Variants in MACROD2 observed in about 807,000 individuals in gnomAD.
MACROD2 encodes ADP-ribose glycohydrolase MACROD2.
Under a neutral mutation model 70.4 loss-of-function variants are expected in MACROD2, and 36 were observed. The observed-to-expected ratio is 0.51, with a 90% CI of 0.39 to 0.68. The LOEUF (loss-of-function observed/expected upper bound fraction) is 0.68. Ranked by LOEUF, MACROD2 falls within the 30% of genes least tolerant of loss-of-function variation. The pLI, the probability that MACROD2 is intolerant of heterozygous loss-of-function variation, is 0.00. For missense variants in MACROD2, 496 were observed against 538.4 expected, an observed-to-expected ratio of 0.92 and a Z score of 0.78; for synonymous variants, 172 against 178.8, an observed-to-expected ratio of 0.96 and a Z score of 0.30.
chr20:15,164,759 G>C (rs1330927375), intron 5 of MACROD2, among the ~76,000 whole-genome samples: 1 of 152,094 alleles, frequency 6.6e-6, no homozygotes. Context: ...AAGTTAGCCA[G>C]GCATGGTGGC....
intron 3 of MACROD2, among the ~76,000 whole-genome samples, chr20:14,332,416 T>C (rs1463384069): frequency 2.0e-5 from 3 of 152,086 alleles, no homozygotes; most frequent in African/African-American, 7.2e-5. Flanking sequence ...TACTACAATA[T>C]TTTGGAGGTG....
intron 5 of MACROD2, among the ~76,000 whole-genome samples, chr20:14,845,513 C>T (rs1479994427): frequency 6.6e-6 from 1 of 152,004 alleles, no homozygotes; most frequent in Admixed American, 6.6e-5. Context: ...AGAAAATCTG[C>T]AGCTTGATTA....
chr20:14,736,594 C>T (rs1219472317), intron 5 of MACROD2, among the ~76,000 whole-genome samples: 1 of 152,148 alleles, frequency 6.6e-6, no homozygotes, highest in Non-Finnish European at 1.5e-5. Flanking sequence ...TCATTAATAT[C>T]AGTGATAATC....
intron 3 of MACROD2, among the ~76,000 whole-genome samples, chr20:14,463,959 C>T (rs1253728349): frequency 6.6e-6 from 1 of 151,838 alleles, no homozygotes; most frequent in Admixed American, 6.6e-5. Context: ...AGGATTTTTG[C>T]ATCAATGTTC....
At chr20:14,018,576 T>C (rs1363062376) in intron 2 of MACROD2, among the ~76,000 whole-genome samples, 1 of 152,206 alleles carries the variant, frequency 6.6e-6, no homozygotes, top group Admixed American at 6.5e-5. Flanking sequence ...TCTTAAGTTA[T>C]TTCTTCTTTC....
chr20:15,712,770 A>G (rs1164347321), intron 8 of MACROD2, among the ~76,000 whole-genome samples: 1 of 152,154 alleles, frequency 6.6e-6, no homozygotes, highest in Non-Finnish European at 1.5e-5. Context: ...CCATCCATAT[A>G]CTAGCCCTTT....
intron 7 of MACROD2, among the ~76,000 whole-genome samples, chr20:15,471,460 T>G (rs554806437): frequency 8.5e-5 from 13 of 152,200 alleles, no homozygotes; most frequent in Non-Finnish European, 1.5e-4. Flanking sequence ...TATTCTCATT[T>G]TTTTCATATG....
At chr20:14,799,098 C>T (rs887233862) in intron 5 of MACROD2, among the ~76,000 whole-genome samples, 5 of 151,776 alleles carry the variant, frequency 3.3e-5, no homozygotes, top group Non-Finnish European at 2.9e-5. Flanking sequence ...TAAAGTAAAT[C>T]GTTAGAGAAG....
rs543973472 is a variant in MACROD2, at chr20:15,885,120, C to T, written c.728-644C>T. ...GTTGTGGGGAGCATAAGGAGAGAGA[C>T]GACAATGTGTCAGAAGTTCAAAAGA... On this transcript the variant is annotated intron_variant, in intron 9 of 17. Coordinates refer to ENST00000684519, the MANE Select transcript of MACROD2 (RefSeq NM_001351661.2). Among the ~76,000 whole-genome samples, 9 of 152,112 alleles carry T rather than the reference C, an allele frequency of 5.9e-5. No homozygotes were observed. The East Asian group carries it at 7.7e-4, about 13-fold the overall frequency.
chr20:14,904,656 G>A (rs1032464305), intron 5 of MACROD2, among the ~76,000 whole-genome samples: 4 of 151,958 alleles, frequency 2.6e-5, no homozygotes, highest in Non-Finnish European at 2.9e-5. Context: ...ATTTAATACC[G>A]CATAACCCTT....
chr20:15,502,372 T>C (rs935101665), intron 8 of MACROD2, among the ~76,000 whole-genome samples: 6 of 152,110 alleles, frequency 3.9e-5, no homozygotes, highest in African/African-American at 1.4e-4. Context: ...CCCAATGTGG[T>C]TGAAGCAGAG....
intron 3 of MACROD2, among the ~76,000 whole-genome samples, chr20:14,448,770 T>C (rs529253064): frequency 7.1e-6 from 1 of 140,982 alleles, no homozygotes; most frequent in South Asian, 2.2e-4. Context: ...TTACATCTCA[T>C]CATGCAGTGC....
chr20:15,955,688 A>G (rs2065966648), intron 12 of MACROD2, among the ~76,000 whole-genome samples: 1 of 152,222 alleles, frequency 6.6e-6, no homozygotes, highest in Admixed American at 6.5e-5. Flanking sequence ...AGAACTACAT[A>G]TTAGTAGTTT....
chr20:14,249,830 C>T (rs955673702), intron 3 of MACROD2, among the ~76,000 whole-genome samples: 18 of 151,884 alleles, frequency 1.2e-4, no homozygotes, highest in East Asian at 3.9e-4. Flanking sequence ...TAAGGTGGCA[C>T]GTTGTATATA....
intron 5 of MACROD2, among the ~76,000 whole-genome samples, chr20:14,954,299 G>A (rs1600867058): frequency 6.6e-6 from 1 of 151,510 alleles, no homozygotes. Context: ...GGAATTTGAT[G>A]ATCCAAAATG....
At chr20:15,723,811 A>C (rs938923667) in intron 8 of MACROD2, among the ~76,000 whole-genome samples, 7 of 152,280 alleles carry the variant, frequency 4.6e-5, no homozygotes, top group African/African-American at 1.7e-4. Context: ...TACTAGGGAG[A>C]GTAACTGCTG....
intron 8 of MACROD2, among the ~76,000 whole-genome samples, chr20:15,564,302 T>G (rs959700493): frequency 1.3e-5 from 2 of 152,214 alleles, no homozygotes; most frequent in South Asian, 4.1e-4. Context: ...CTGGTATCTT[T>G]TTGACAGCAA....
chr20:14,719,576 A>G (rs866655028), intron 5 of MACROD2, among the ~76,000 whole-genome samples: 1 of 152,130 alleles, frequency 6.6e-6, no homozygotes, highest in Non-Finnish European at 1.5e-5. Context: ...GCCTTATGAG[A>G]TGCTCATACT....
chr20:15,424,398 C>G (rs1431750726), intron 6 of MACROD2, among the ~76,000 whole-genome samples: 2 of 152,082 alleles, frequency 1.3e-5, no homozygotes, highest in Non-Finnish European at 2.9e-5. Flanking sequence ...ATGGCACAAC[C>G]CACTATGCTG....
Sources: allele counts gnomAD v4.1 joint callset (sites outside exome capture counted in the v4.1 genomes callset), GRCh38; gene constraint gnomAD v4.1.1; transcripts MANE v1.5; gene names NCBI Gene and HGNC (gene_info 2026-07-23, HGNC 2026-07-21).